Variants in AKR1D1 observed in about 807,000 individuals in gnomAD.
AKR1D1 encodes the protein delta(4)-3-ketosteroid 5-beta-reductase.
In AKR1D1, 32 loss-of-function variants were observed where a neutral mutation model predicts 42.6. The ratio of observed to expected loss-of-function variants is 0.75; its 90% CI spans 0.57 to 1.01. AKR1D1 has a LOEUF of 1.01. Ranked by LOEUF, AKR1D1 falls within the 50% of genes least tolerant of loss-of-function variation. The pLI is 0.00. For synonymous variants in AKR1D1, 123 were observed against 135.5 expected (o/e 0.91, Z 0.64); for missense variants, 364 against 402.2 (o/e 0.91, Z 0.81).
intron 7 of AKR1D1, among the ~76,000 whole-genome samples, chr7:138,110,938 T>C (rs1440144014): frequency 6.6e-6 from 1 of 152,154 alleles, no homozygotes; most frequent in Non-Finnish European, 1.5e-5. Flanking sequence ...ATGTTATCTC[T>C]GGGCTCACTT....
rs1794672503 is a variant in AKR1D1 at position 138,117,956 on chromosome 7, T to G, written c.*1294T>G. ...ATGGCATGAACCCGGGAGGAGGAGC[T>G]TGCAGTGAGCCGAGATAGCGCCACT... On this transcript the variant is annotated 3_prime_UTR_variant, in exon 9 of 9. Coordinates refer to ENST00000242375, the MANE Select transcript of AKR1D1 (RefSeq NM_005989.4). 6.6e-6 allele frequency: 1 copy of G among 152,220 alleles called. No homozygotes were observed. Among genetic ancestry groups the G allele is most frequent in the South Asian group, 2.1e-4 (1 of 4,824 alleles). The allele number at this position is 152,220 out of a possible 1,614,324, so 9.4% of individuals were successfully genotyped here.
At chr7:138,086,761 G>C (rs1196788780) in intron 1 of AKR1D1, among the ~76,000 whole-genome samples, 3 of 152,196 alleles carry the variant, frequency 2.0e-5, no homozygotes, top group African/African-American at 7.2e-5. Flanking sequence ...AGCACAAGTA[G>C]TTAACCAACA....
At chr7:138,112,733 T>C (rs1794558916) in intron 7 of AKR1D1, among the ~76,000 whole-genome samples, 1 of 150,754 alleles carries the variant, frequency 6.6e-6, no homozygotes, top group Admixed American at 6.6e-5. Context: ...CTATTAATAA[T>C]TAAATATATT....
chr7:138,088,807 A>G (rs1230147983), intron 2 of AKR1D1, 39 bp downstream of exon 2: 2 of 1,556,144 alleles, frequency 1.3e-6, no homozygotes, highest in African/African-American at 1.4e-5. Context: ...GGACAGTGAG[A>G]AGGTTTCAGT....
rs903546896 is a variant in AKR1D1, at chr7:138,118,188, A to T, written c.*1526A>T. Among the ~76,000 whole-genome samples, 8 of 152,336 alleles carry T rather than the reference A, an allele frequency of 5.3e-5. No homozygotes were observed. The highest frequency in any genetic ancestry group is 3.4e-3 in the Middle Eastern group (1 of 294). ...TATATTTTTGAGAAATTATCATTTTAAAAAATTTGGTCTATACTGATTGTT... is the reference window on the plus strand; with the variant it reads ...TATATTTTTGAGAAATTATCATTTTTAAAAATTTGGTCTATACTGATTGTT... On this transcript the variant is annotated 3_prime_UTR_variant, in exon 9 of 9. Transcript: ENST00000242375.
intron 2 of AKR1D1, 102 bp from the exon 3 acceptor site, chr7:138,091,666 A>G: frequency 2.0e-6 from 1 of 496,774 alleles, no homozygotes; most frequent in East Asian, 4.8e-5. Context: ...CCCCCATCTC[A>G]AAAAAAAAAA....
chr7:138,113,315 C>CAAA (rs34789634), intron 7 of AKR1D1, among the ~76,000 whole-genome samples: 1 of 115,710 alleles, frequency 8.6e-6, no homozygotes, highest in African/African-American at 3.3e-5. Context: ...GACCCTGTCT[C>CAAA]AAAAAAAAAA....
At chr7:138,114,575 G>T (rs1794597476) in intron 8 of AKR1D1, among the ~76,000 whole-genome samples, 1 of 149,122 alleles carries the variant, frequency 6.7e-6, no homozygotes, top group African/African-American at 2.5e-5. Flanking sequence ...CAGGAGAATT[G>T]CCTGAACCCA....
At chr7:138,083,172 G>T (rs1803093122) in intron 1 of AKR1D1, among the ~76,000 whole-genome samples, 1 of 152,164 alleles carries the variant, frequency 6.6e-6, no homozygotes, top group African/African-American at 2.4e-5. Flanking sequence ...CAGTGTACAA[G>T]AGTTCTAATT....
intron 1 of AKR1D1, 89 bp downstream of exon 1, chr7:138,076,700 T>C: frequency 9.0e-7 from 1 of 1,109,242 alleles, no homozygotes; most frequent in Admixed American, 1.9e-5. Flanking sequence ...TAAGCAGATC[T>C]CATTGACTTA....
At chr7:138,106,308 C>T (rs1794431471) in intron 5 of AKR1D1, among the ~76,000 whole-genome samples, 1 of 151,988 alleles carries the variant, frequency 6.6e-6, no homozygotes, top group Non-Finnish European at 1.5e-5. Context: ...GTGTTTACTA[C>T]AACATTGTTC....
intron 1 of AKR1D1, among the ~76,000 whole-genome samples, chr7:138,078,762 G>A (rs1345219026): frequency 6.6e-6 from 1 of 152,202 alleles, no homozygotes; most frequent in Non-Finnish European, 1.5e-5. Context: ...AAAGTTAGGT[G>A]GGGGAATATT....
Position 138,101,170 on chromosome 7 carries a change from TCCC to T in AKR1D1, c.456+3228_456+3230del, listed in dbSNP as rs1562935762. On this transcript the variant is annotated intron_variant, in intron 4 of 8. Coordinates refer to ENST00000242375, the MANE Select transcript of AKR1D1 (RefSeq NM_005989.4). ...TTCTTTCCCTCCCTCCCTCCCTCCCTCCCTCCCTCCCTCCCTCCCTCCCTTCCT... is the reference window on the plus strand; with the variant it reads ...TTCTTTCCCTCCCTCCCTCCCTCCCTTCCCTCCCTCCCTCCCTCCCTTCCT... Among the ~76,000 whole-genome samples the T allele has an allele frequency of 2.5e-3, 72 of 29,164 alleles. 1 individual carries two copies. The South Asian group carries it at 0.036, about 14-fold the overall frequency. The allele number at this position is 29,164 out of a possible 152,430, so 19.1% of individuals were successfully genotyped here.
In AKR1D1 at chr7:138,116,620, G is replaced by C; in HGVS notation, c.939G>C (p.Met313Ile). ...TTCTGTGGGGGAATTGTTTTGGCAG[G>C]TGGCGCGATCATCCTGAATACCCAT... ...NKNVRFVELL[M>I]WRDHPEYPFH... The change falls in exon 9 of 9, where the codon ATG becomes ATC. Residue 313 changes from methionine (M) to isoleucine (I), a missense_variant and splice_region_variant. Met to Ile is a conservative substitution (Grantham distance 10, BLOSUM62 1). Transcript: ENST00000242375. 1.2e-6 allele frequency: 2 copies of C among 1,614,150 alleles called. No individual in the cohort carries two copies. Among genetic ancestry groups the C allele is most frequent in the Non-Finnish European group, 1.7e-6 (2 of 1,180,040 alleles).
chr7:138,090,497 C>T (rs543883072), intron 2 of AKR1D1, among the ~76,000 whole-genome samples: 3 of 151,900 alleles, frequency 2.0e-5, no homozygotes, highest in African/African-American at 2.4e-5. Context: ...ATTAGCCAGG[C>T]GTGGTAGCAG....
intron 1 of AKR1D1, among the ~76,000 whole-genome samples, chr7:138,086,278 C>A (rs1241108050): frequency 1.3e-5 from 2 of 152,168 alleles, no homozygotes; most frequent in African/African-American, 4.8e-5. Flanking sequence ...TTTCTGGACA[C>A]CACGCCTCAC....
intron 3 of AKR1D1, 47 bp downstream of exon 3, chr7:138,091,931 T>C (rs771122510): frequency 9.8e-6 from 12 of 1,218,314 alleles, no homozygotes; most frequent in Admixed American, 5.1e-5. Flanking sequence ...CTGGCAACCA[T>C]GAGCCAATAG....
chr7:138,106,688 C>T lies in AKR1D1; in HGVS notation c.660C>T (p.Ser220=). The part of the protein sequence containing the change: ...QQHDIVITAY[S]PLGTSRNPIW... ...ATGACATTGTCATTACTGCATATAGCCCTTTGGGGACCAGTAGGAATCCAA... is the reference window on the plus strand; with the variant it reads ...ATGACATTGTCATTACTGCATATAGTCCTTTGGGGACCAGTAGGAATCCAA... Residue 220 remains serine (S), a synonymous_variant, in exon 6 of 9, where the codon AGC becomes AGT. Coordinates refer to ENST00000242375, the MANE Select transcript of AKR1D1 (RefSeq NM_005989.4). The T allele has an allele frequency of 6.2e-7, 1 of 1,613,570 alleles. No individual in the cohort carries two copies. The highest frequency in any genetic ancestry group is 8.5e-7 in the Non-Finnish European group (1 of 1,179,526).
intron 1 of AKR1D1, among the ~76,000 whole-genome samples, chr7:138,083,222 T>C (rs1803094438): frequency 6.6e-6 from 1 of 152,228 alleles, no homozygotes; most frequent in Admixed American, 6.5e-5. Context: ...TTTCAGTTTT[T>C]TGATAATAGT....
Sources: allele counts gnomAD v4.1 joint callset (sites outside exome capture counted in the v4.1 genomes callset), GRCh38; gene constraint gnomAD v4.1.1; transcripts MANE v1.5; gene names NCBI Gene and HGNC (gene_info 2026-07-23, HGNC 2026-07-21).